The following HK1 variants were observed in gnomAD, a reference collection of about 807,000 sequenced individuals.
HK1 encodes hexokinase 1, also known as hexokinase-1.
A neutral mutation model predicts 91.6 loss-of-function variants in HK1; 28 were observed. The observed-to-expected ratio is 0.31, with a 90% CI of 0.23 to 0.42. The LOEUF is 0.42. HK1 is among the 10% of genes least tolerant of loss of function. HK1 has a pLI of 1.00. For synonymous variants in HK1, 430 were observed against 468.1 expected (o/e 0.92, Z 1.05); for missense variants, 770 against 1,219.8 (o/e 0.63, Z 5.49).
At position 69,392,118 on chromosome 10, in the gene HK1, G is replaced by A. The variant is rs1246026423; in HGVS notation, c.2036-7G>A. On this transcript the variant is annotated splice_polypyrimidine_tract_variant and splice_region_variant and intron_variant, in intron 14 of 17. Coordinates refer to ENST00000359426, the MANE Select transcript of HK1 (RefSeq NM_000188.3). ...ACCGCTCCTCATTGCCCCCTCGTGT[G>A]TTCCAGGGACCGGCAGCAATGCCTG... 2 of 1,614,180 alleles carry A rather than the reference G, an allele frequency of 1.2e-6. No homozygotes were observed. The highest frequency in any genetic ancestry group is 1.7e-6 in the Non-Finnish European group (2 of 1,180,030).
intron 2 of HK1, among the ~76,000 whole-genome samples, chr10:69,287,209 A>G (rs866250345): frequency 2.0e-5 from 3 of 152,222 alleles, no homozygotes; most frequent in East Asian, 1.9e-4. Flanking sequence ...ACTTGTAATC[A>G]TGGCGGGAAG....
intron 14 of HK1, among the ~76,000 whole-genome samples, chr10:69,391,412 C>T (rs1011687448): frequency 9.2e-5 from 14 of 152,214 alleles, no homozygotes; most frequent in African/African-American, 3.4e-4. Context: ...GAGGCTGAGG[C>T]GAGAGGGTAG....
At chr10:69,395,250 A>G (rs1840083048) in intron 16 of HK1, 145 bp downstream of exon 16, 1 of 696,586 alleles carries the variant, frequency 1.4e-6, no homozygotes, top group African/African-American at 1.8e-5. Flanking sequence ...GACCCTGGGC[A>G]TTTGCATAGT....
rs758620734 is a variant in HK1 at position 69,382,501 on chromosome 10, T to G, written c.1280T>G (p.Phe427Cys). Residue 427 changes from phenylalanine (F) to cysteine (C), a missense_variant, in exon 10 of 18, where the codon TTC becomes TGC. By Grantham distance (205) the Phe-to-Cys change is radical (BLOSUM62 -2). Coordinates refer to ENST00000359426, the MANE Select transcript of HK1 (RefSeq NM_000188.3). ...YKTHPQYSRR[F>C]HKTLRRLVPD... Reference sequence around the variant, plus strand: ...GCCCCCATAAGGTATTCCCGGCGTTTCCACAAGACTCTAAGGCGCTTGGTG... The same window carrying G: ...GCCCCCATAAGGTATTCCCGGCGTTGCCACAAGACTCTAAGGCGCTTGGTG... 5 of 1,614,196 alleles carry G rather than the reference T, an allele frequency of 3.1e-6. No homozygotes were observed. Among genetic ancestry groups the G allele is most frequent in the Non-Finnish European group, 4.2e-6 (5 of 1,180,016 alleles).
chr10:69,325,058 T>C (rs1392484441), intron 1 of HK1, among the ~76,000 whole-genome samples: 2 of 145,782 alleles, frequency 1.4e-5, no homozygotes, highest in African/African-American at 5.1e-5. Flanking sequence ...TTTTTTTTTT[T>C]TTTTTTTTTT....
intron 2 of HK1, among the ~76,000 whole-genome samples, chr10:69,358,834 G>T (rs1178118670): frequency 1.4e-5 from 2 of 148,098 alleles, no homozygotes; most frequent in Non-Finnish European, 3.0e-5. Context: ...CTGCATTCCA[G>T]CCTGGGCAAC....
chr10:69,315,307 C>T (rs1233114609), upstream of HK1, among the ~76,000 whole-genome samples: 1 of 152,188 alleles, frequency 6.6e-6, no homozygotes, highest in Non-Finnish European at 1.5e-5. Flanking sequence ...TTCCTAGTGC[C>T]ATGGGTCAGA....
intron 5 of HK1, among the ~76,000 whole-genome samples, chr10:69,309,185 C>CTTTT (rs779001663): frequency 7.1e-6 from 1 of 141,240 alleles, no homozygotes; most frequent in Non-Finnish European, 1.6e-5. Context: ...TTCTTTCTTT[C>CTTTT]TTTTTTTTTT....
intron 1 of HK1, among the ~76,000 whole-genome samples, chr10:69,336,637 C>CTTTT (rs56893382): frequency 1.8e-4 from 21 of 114,152 alleles, no homozygotes; most frequent in African/African-American, 7.2e-4. Flanking sequence ...TGGTAGATGC[C>CTTTT]TTTTTTTTTT....
intron 2 of HK1, among the ~76,000 whole-genome samples, chr10:69,350,592 T>G (rs4471325): frequency 0.065 from 9,838 of 150,256 alleles, 532 homozygotes; most frequent in African/African-American, 0.14. Context: ...AACCCGGGAG[T>G]TGGAGGTTGC....
At chr10:69,270,134 A>G (rs747843031) in intron 1 of HK1, 2 of 152,186 alleles carry the variant, frequency 1.3e-5, no homozygotes, top group Non-Finnish European at 2.9e-5. Flanking sequence ...GAGAACTCCA[A>G]AGACTATTTT....
intron 10 of HK1, among the ~76,000 whole-genome samples, 186 bp downstream of exon 10, chr10:69,382,977 G>A (rs1839469088): frequency 6.6e-6 from 1 of 152,094 alleles, no homozygotes; most frequent in South Asian, 2.1e-4. Flanking sequence ...TGTGACTCAG[G>A]GCAGTTTAAT....
chr10:69,289,460 AATTTTTTTT>A (rs1348911942), intron 3 of HK1, among the ~76,000 whole-genome samples: 1 of 93,658 alleles, frequency 1.1e-5, no homozygotes, highest in South Asian at 4.2e-4. Flanking sequence ...TAAAAAAAAA[AATTTTTTTT>A]TTTTTTTTTT....
intron 15 of HK1, among the ~76,000 whole-genome samples, chr10:69,394,644 G>A (rs1208177424): frequency 6.6e-6 from 1 of 152,188 alleles, no homozygotes; most frequent in East Asian, 1.9e-4. Context: ...CCAGGATCAG[G>A]AGGAGGACAG....
At chr10:69,395,189 C>A in intron 16 of HK1, 84 bp downstream of exon 16, 1 of 1,400,222 alleles carries the variant, frequency 7.1e-7, no homozygotes. Flanking sequence ...GGTAGGGACC[C>A]TAGGGGACAT....
At chr10:69,353,112 G>A (rs1268397298) in intron 2 of HK1, among the ~76,000 whole-genome samples, 3 of 152,104 alleles carry the variant, frequency 2.0e-5, no homozygotes, top group Non-Finnish European at 4.4e-5. Flanking sequence ...TTCCTTGGTG[G>A]GACCCTGGAT....
At chr10:69,319,325 C>G (rs1846870607) in intron 1 of HK1, 2 of 514,916 alleles carry the variant, frequency 3.9e-6, no homozygotes, top group South Asian at 2.1e-5. Flanking sequence ...CCGGTGGGCC[C>G]TTCCGCAGGG....
intron 1 of HK1, among the ~76,000 whole-genome samples, chr10:69,331,126 C>T (rs1053044991): frequency 1.3e-5 from 2 of 152,160 alleles, no homozygotes; most frequent in Admixed American, 6.5e-5. Context: ...GTGATCTGCC[C>T]GCCTCGGCCT....
chr10:69,308,685 C>T (rs1589461259), intron 5 of HK1, among the ~76,000 whole-genome samples: 1 of 152,228 alleles, frequency 6.6e-6, no homozygotes, highest in Non-Finnish European at 1.5e-5. Flanking sequence ...TTCCTGGGCG[C>T]CAGGCTACCT....
Sources: allele counts gnomAD v4.1 joint callset (sites outside exome capture counted in the v4.1 genomes callset), GRCh38; gene constraint gnomAD v4.1.1; transcripts MANE v1.5; gene names NCBI Gene and HGNC (gene_info 2026-07-23, HGNC 2026-07-21).